The following RABGEF1 variants were observed in gnomAD, a reference collection of about 807,000 sequenced individuals.
RABGEF1 encodes the protein RAB guanine nucleotide exchange factor 1.
RABGEF1 carries 26 observed loss-of-function variants against 57.3 expected under a neutral mutation model. That is an observed-to-expected ratio of 0.45 (90% CI 0.33 to 0.63). The LOEUF is 0.63. Among genes scored for constraint, RABGEF1 ranks in the 20% least tolerant of loss-of-function variants. The probability of loss-of-function intolerance (pLI) is 0.02; values close to 1 mark genes in which losing one functional copy is unlikely to be tolerated. For synonymous variants in RABGEF1, 185 were observed against 210.7 expected (o/e 0.88, Z 1.06); for missense variants, 464 against 607.6 (o/e 0.76, Z 2.48).
chr7:66,720,341 G>A (rs1795902889), intron 2 of RABGEF1, among the ~76,000 whole-genome samples: 1 of 151,428 alleles, frequency 6.6e-6, no homozygotes, highest in African/African-American at 2.4e-5. Flanking sequence ...AGGACTACAG[G>A]CATGCACCAC....
At chr7:66,740,409 C>G (rs1356318670), upstream of RABGEF1, 5 of 152,262 alleles carry the variant, frequency 3.3e-5, no homozygotes, top group Admixed American at 1.3e-4. Context: ...CAGGAGTCGC[C>G]GCGGAGCCAG....
the RABGEF1 span, chr7:66,665,311 A>AT: frequency 0.65 from 96,854 of 148,638 alleles, 31,627 homozygotes; most frequent in African/African-American, 0.75. Flanking sequence ...TGCCGTGCTA[A>AT]TTTTTTTTTT....
At chr7:66,789,271 G>C (rs1811988034) in intron 4 of RABGEF1, among the ~76,000 whole-genome samples, 1 of 152,182 alleles carries the variant, frequency 6.6e-6, no homozygotes, top group Admixed American at 6.5e-5. Context: ...AACTTCAGCA[G>C]GGGTAGCAAC....
the RABGEF1 span, among the ~76,000 whole-genome samples, chr7:66,675,393 G>A: frequency 4.0e-5 from 6 of 151,212 alleles, no homozygotes; most frequent in Non-Finnish European, 8.9e-5. Flanking sequence ...TCACACCATC[G>A]CACTCCAGCC....
chr7:66,741,383 C>T (rs1183185505), intron 1 of RABGEF1, among the ~76,000 whole-genome samples: 1 of 152,176 alleles, frequency 6.6e-6, no homozygotes, highest in Non-Finnish European at 1.5e-5. Flanking sequence ...GGCTGCGGGG[C>T]CGGGGTTAGG....
intron 2 of RABGEF1, chr7:66,773,654 C>T (rs1353741131): frequency 2.9e-5 from 13 of 453,522 alleles, no homozygotes; most frequent in Admixed American, 2.8e-4. Context: ...TTAGATAGTG[C>T]TTGTGCTTTT....
chr7:66,662,953 C>T, the RABGEF1 span, among the ~76,000 whole-genome samples: 2 of 152,138 alleles, frequency 1.3e-5, no homozygotes, highest in Admixed American at 6.5e-5. Flanking sequence ...CGTGTGCAGG[C>T]ATGTGTGTGC....
chr7:66,668,075 G>A, the RABGEF1 span, among the ~76,000 whole-genome samples: 1 of 152,068 alleles, frequency 6.6e-6, no homozygotes, highest in South Asian at 2.1e-4. Context: ...TAGGATTACA[G>A]GTGTCAGCCA....
In RABGEF1 at chr7:66,704,952, G is replaced by A. The variant is rs550775058; in HGVS notation, c.-872-7215G>A. Among the ~76,000 whole-genome samples, 3 of 152,230 alleles carry A rather than the reference G, an allele frequency of 2.0e-5. No homozygotes were observed. The East Asian group carries it at 5.8e-4, about 29-fold the overall frequency. Reference sequence around the variant, plus strand: ...AAACCACCAAACTGTCTTCCAAAATGGCTATACCAATTTGCATTCCCACCA... The same window carrying A: ...AAACCACCAAACTGTCTTCCAAAATAGCTATACCAATTTGCATTCCCACCA... On this transcript the variant is annotated intron_variant and NMD_transcript_variant, in intron 1 of 9. Transcript: ENST00000607882.
the RABGEF1 span, among the ~76,000 whole-genome samples, chr7:66,656,756 G>A: frequency 6.7e-6 from 1 of 148,770 alleles, no homozygotes; most frequent in East Asian, 2.0e-4. Flanking sequence ...AGAGACAGAG[G>A]TTGTGGGGAG....
At chr7:66,698,303 C>G (rs1430112777) in intron 1 of RABGEF1, among the ~76,000 whole-genome samples, 2 of 152,198 alleles carry the variant, frequency 1.3e-5, no homozygotes, top group East Asian at 3.9e-4. Context: ...CCAGCCAGAG[C>G]TCTACCTCCT....
chr7:66,674,431 A>G, the RABGEF1 span, among the ~76,000 whole-genome samples: 1 of 151,828 alleles, frequency 6.6e-6, no homozygotes, highest in South Asian at 2.1e-4. Context: ...CAGGTGATCC[A>G]CCCACTTCGG....
intron 7 of RABGEF1, among the ~76,000 whole-genome samples, chr7:66,800,364 T>C (rs1787007963): frequency 6.6e-6 from 1 of 152,208 alleles, no homozygotes; most frequent in South Asian, 2.1e-4. Flanking sequence ...GAGGGTCTGC[T>C]CCAGGCATTC....
intron 2 of RABGEF1, among the ~76,000 whole-genome samples, chr7:66,735,253 C>G (rs1406853779): frequency 3.9e-5 from 6 of 152,184 alleles, no homozygotes; most frequent in Non-Finnish European, 7.3e-5. Flanking sequence ...GGTTCTTATA[C>G]ATAATCGCTC....
At chr7:66,732,147 C>T (rs561906796) in intron 2 of RABGEF1, among the ~76,000 whole-genome samples, 1 of 152,352 alleles carries the variant, frequency 6.6e-6, no homozygotes, top group Admixed American at 6.5e-5. Flanking sequence ...ACCGCCCTCT[C>T]TTCCTATGGT....
intron 2 of RABGEF1, among the ~76,000 whole-genome samples, chr7:66,725,122 GATT>G (rs1341255984): frequency 2.0e-5 from 3 of 151,936 alleles, no homozygotes; most frequent in East Asian, 3.8e-4. Flanking sequence ...GGTCTGTTTC[GATT>G]ATTATTTTTT....
At chr7:66,730,998 G>A (rs1212683786) in intron 2 of RABGEF1, among the ~76,000 whole-genome samples, 3 of 152,104 alleles carry the variant, frequency 2.0e-5, no homozygotes, top group Non-Finnish European at 2.9e-5. Context: ...AAATGACAGC[G>A]CAGGGATTCG....
At chr7:66,763,176 T>A (rs1000172398) in intron 1 of RABGEF1, among the ~76,000 whole-genome samples, 2 of 152,106 alleles carry the variant, frequency 1.3e-5, no homozygotes, top group Admixed American at 6.5e-5. Flanking sequence ...AGCACTCATT[T>A]ATTATCTGAA....
intron 4 of RABGEF1, among the ~76,000 whole-genome samples, chr7:66,784,079 C>T (rs1810588348): frequency 6.6e-6 from 1 of 152,174 alleles, no homozygotes; most frequent in African/African-American, 2.4e-5. Flanking sequence ...GACCTGAAGC[C>T]ACTTGAATTA....
Sources: allele counts gnomAD v4.1 joint callset (sites outside exome capture counted in the v4.1 genomes callset), GRCh38; gene constraint gnomAD v4.1.1; transcripts MANE v1.5; gene names NCBI Gene and HGNC (gene_info 2026-07-23, HGNC 2026-07-21).